The following ANO4 variants were observed in gnomAD, a reference collection of about 807,000 sequenced individuals.
ANO4 encodes anoctamin 4, also known as anoctamin-4.
ANO4 carries 69 observed loss-of-function variants against 141.9 expected under a neutral mutation model. The ratio of observed to expected loss-of-function variants is 0.49; its 90% CI spans 0.40 to 0.59. The LOEUF is 0.59. Ranked by LOEUF, ANO4 falls within the 20% of genes least tolerant of loss-of-function variation. The probability of loss-of-function intolerance (pLI) is 0.00; values close to 1 mark genes in which losing one functional copy is unlikely to be tolerated. For missense variants in ANO4, 894 were observed against 1,162.2 expected (o/e 0.77, Z 3.36); for synonymous variants, 350 against 394.3 (o/e 0.89, Z 1.33).
intron 2 of ANO4, among the ~76,000 whole-genome samples, 162 bp from the exon 3 acceptor site, chr12:100,922,064 T>C (rs927500217): frequency 4.6e-5 from 7 of 150,660 alleles, no homozygotes; most frequent in Non-Finnish European, 7.4e-5. Flanking sequence ...CTTGTATATG[T>C]TCCTTTTTTT....
chr12:100,899,922 A>G (rs2040511521), intron 1 of ANO4, among the ~76,000 whole-genome samples: 1 of 152,190 alleles, frequency 6.6e-6, no homozygotes, highest in Non-Finnish European at 1.5e-5. Flanking sequence ...TCAGAGGCTA[A>G]TGAACTTGCC....
At chr12:100,998,711 A>G (rs1032616468) in intron 8 of ANO4, among the ~76,000 whole-genome samples, 6 of 152,128 alleles carry the variant, frequency 3.9e-5, no homozygotes, top group Admixed American at 6.5e-5. Context: ...CCACCTAAAC[A>G]TCTGACCCCA....
At chr12:100,781,878 C>T (rs1311845675) in intron 3 of ANO4, among the ~76,000 whole-genome samples, 20 of 152,164 alleles carry the variant, frequency 1.3e-4, no homozygotes, top group Admixed American at 1.3e-3. Flanking sequence ...ATGAGATAAT[C>T]AGTACTACAA....
At chr12:100,879,096 C>T (rs1048907714) in intron 1 of ANO4, among the ~76,000 whole-genome samples, 4 of 151,906 alleles carry the variant, frequency 2.6e-5, no homozygotes, top group African/African-American at 7.2e-5. Context: ...GGAATGGACC[C>T]ACAGTGGGGA....
chr12:101,115,155 A>G (rs1185311714), intron 24 of ANO4, among the ~76,000 whole-genome samples: 3 of 152,204 alleles, frequency 2.0e-5, no homozygotes, highest in African/African-American at 7.2e-5. Flanking sequence ...CCCCTGCTAG[A>G]TGCAAGAAAT....
chr12:101,122,076 G>A (rs118031795), intron 26 of ANO4, among the ~76,000 whole-genome samples: 4,081 of 152,118 alleles, frequency 0.027, 79 homozygotes, highest in Non-Finnish European at 0.044. Flanking sequence ...AATAAAAGCC[G>A]TACTGACTGG....
At chr12:100,893,732 G>A (rs2040214049) in intron 1 of ANO4, among the ~76,000 whole-genome samples, 1 of 152,134 alleles carries the variant, frequency 6.6e-6, no homozygotes, top group African/African-American at 2.4e-5. Context: ...GCAGAGAGAA[G>A]TTATGAATTA....
In ANO4 at chr12:101,048,531, A is replaced by C. The variant is rs899161053; in HGVS notation, c.1312+130A>C. 18 of 764,060 alleles carry C rather than the reference A, an allele frequency of 2.4e-5. No individual in the cohort carries two copies. In the African/African-American group the frequency reaches 3.0e-4, roughly 13 times the overall value. The allele number at this position is 764,060 out of a possible 1,614,324, so 47.3% of individuals were successfully genotyped here. On this transcript the variant is annotated intron_variant, in intron 14 of 27. Coordinates refer to ENST00000392977, the MANE Select transcript of ANO4 (RefSeq NM_001286615.2). ...GGAATTAGCTTTCCTATTAGTAGAAAGTTGGTAAATAATTTATTGGGTTTA... is the reference window on the plus strand; with the variant it reads ...GGAATTAGCTTTCCTATTAGTAGAACGTTGGTAAATAATTTATTGGGTTTA...
At chr12:100,793,627 G>A (rs528938047), upstream of ANO4, among the ~76,000 whole-genome samples, 15 of 151,842 alleles carry the variant, frequency 9.9e-5, no homozygotes, top group South Asian at 2.1e-3. Flanking sequence ...GTTAACTCTT[G>A]ACTGACTAAA....
At chr12:100,948,015 T>C (rs374511979) in intron 5 of ANO4, among the ~76,000 whole-genome samples, 27 of 151,744 alleles carry the variant, frequency 1.8e-4, no homozygotes, top group South Asian at 6.3e-4. Flanking sequence ...AACCCTGTCT[T>C]TACTAAAAAT....
At chr12:100,885,687 A>G (rs1375031797) in intron 1 of ANO4, 1 of 152,228 alleles carries the variant, frequency 6.6e-6, no homozygotes, top group East Asian at 1.9e-4. Context: ...GAGACATAGT[A>G]AACCATCAAT....
At chr12:101,102,979 T>A (rs11110652) in intron 22 of ANO4, among the ~76,000 whole-genome samples, 21,207 of 151,316 alleles carry the variant, frequency 0.14, 1,543 homozygotes, top group South Asian at 0.19. Context: ...CAACTGCAAA[T>A]GATGTTTTTA....
chr12:100,914,053 C>A (rs955788789), intron 2 of ANO4, among the ~76,000 whole-genome samples: 2 of 152,238 alleles, frequency 1.3e-5, no homozygotes, highest in African/African-American at 4.8e-5. Context: ...CAGACCTCAG[C>A]ATCTAGGAGA....
chr12:100,956,009 A>T (rs544801564), intron 5 of ANO4, among the ~76,000 whole-genome samples: 1 of 152,322 alleles, frequency 6.6e-6, no homozygotes, highest in Non-Finnish European at 1.5e-5. Flanking sequence ...TTCACATTAT[A>T]TATGCTCGCT....
intron 3 of ANO4, among the ~76,000 whole-genome samples, chr12:100,751,755 G>A (rs1237228000): frequency 6.6e-6 from 1 of 152,068 alleles, no homozygotes; most frequent in Non-Finnish European, 1.5e-5. Context: ...GTAGAAGAGA[G>A]AGATATGAAA....
At chr12:101,071,887 C>A (rs1259419811) in intron 14 of ANO4, among the ~76,000 whole-genome samples, 4 of 152,088 alleles carry the variant, frequency 2.6e-5, no homozygotes, top group African/African-American at 9.7e-5. Flanking sequence ...CATTTTAACC[C>A]TTCCTTGGAA....
At chr12:101,055,288 A>G (rs2048067351) in intron 14 of ANO4, among the ~76,000 whole-genome samples, 1 of 152,254 alleles carries the variant, frequency 6.6e-6, no homozygotes, top group Non-Finnish European at 1.5e-5. Context: ...TTTGTAGTCA[A>G]TATCAGCATG....
upstream of ANO4, chr12:100,794,590 T>A (rs546713591): frequency 6.6e-6 from 1 of 152,226 alleles, no homozygotes; most frequent in African/African-American, 2.4e-5. Flanking sequence ...ATAACTGATA[T>A]GGAATACTGA....
intron 14 of ANO4, among the ~76,000 whole-genome samples, chr12:101,074,116 T>C (rs1305599525): frequency 1.3e-5 from 2 of 152,172 alleles, no homozygotes; most frequent in African/African-American, 4.8e-5. Flanking sequence ...GGTGACTTCA[T>C]CTCCATTAAG....
Sources: gnomAD v4.1 joint callset for allele counts (sites outside exome capture counted in the v4.1 genomes callset) on GRCh38, gnomAD v4.1.1 for gene constraint, MANE v1.5 for transcripts, NCBI Gene and HGNC (gene_info 2026-07-23, HGNC 2026-07-21) for gene names.